The following PRKG1 variants were observed in gnomAD, a reference collection of about 807,000 sequenced individuals.
The protein encoded by PRKG1 is cGMP-dependent protein kinase 1.
A neutral mutation model predicts 88.1 loss-of-function variants in PRKG1; 35 were observed. The ratio of observed to expected loss-of-function variants is 0.40; its 90% confidence interval spans 0.30 to 0.53. The LOEUF (loss-of-function observed/expected upper bound fraction) is 0.53, where lower values mean the gene tolerates loss of function less well. Ranked by LOEUF, PRKG1 falls within the 20% of genes least tolerant of loss-of-function variation. The pLI is 0.59. For synonymous variants in PRKG1, 303 were observed against 292.5 expected, an observed-to-expected ratio of 1.04 and a Z score of -0.37; for missense variants, 540 against 839.8, an observed-to-expected ratio of 0.64 and a Z score of 4.41.
At chr10:51,647,877 A>C (rs974082223) in intron 3 of PRKG1, among the ~76,000 whole-genome samples, 2 of 152,154 alleles carry the variant, frequency 1.3e-5, no homozygotes, top group African/African-American at 2.4e-5. Flanking sequence ...ATAATGATAC[A>C]TTGCACAGTA....
At position 51,177,197 on chromosome 10, in the gene PRKG1, AATTCTCAGATTAC is replaced by A. The variant is rs1837217924; in HGVS notation, c.478+23872_478+23884del. 2.0e-5 allele frequency among the ~76,000 whole-genome samples: 3 copies of A among 152,286 alleles called. No homozygotes were observed. In the South Asian group the frequency reaches 6.2e-4, roughly 32 times the overall value. Reference sequence around the variant, plus strand: ...GGATTACAGTGGCATTTCTTCTAGAAATTCTCAGATTACATTCCTTCACAATCATACTTACCAT... The same window carrying A: ...GGATTACAGTGGCATTTCTTCTAGAAATTCCTTCACAATCATACTTACCAT... On this transcript the variant is annotated intron_variant, in intron 2 of 17. Coordinates refer to ENST00000373980, the MANE Select transcript of PRKG1 (RefSeq NM_006258.4).
At chr10:51,543,065 G>A (rs759935153) in intron 3 of PRKG1, among the ~76,000 whole-genome samples, 5 of 152,110 alleles carry the variant, frequency 3.3e-5, no homozygotes, top group South Asian at 2.1e-4. Context: ...TACACTGTGC[G>A]GGCCCCTTTG....
At chr10:51,840,202 A>G (rs991302667) in intron 4 of PRKG1, among the ~76,000 whole-genome samples, 1 of 152,206 alleles carries the variant, frequency 6.6e-6, no homozygotes, top group Admixed American at 6.5e-5. Flanking sequence ...GCACACTGCA[A>G]CAGAGACCAC....
chr10:51,013,133 A>G (rs1455345307), intron 1 of PRKG1, among the ~76,000 whole-genome samples: 1 of 151,748 alleles, frequency 6.6e-6, no homozygotes, highest in Non-Finnish European at 1.5e-5. Context: ...GAACCAAGGA[A>G]CAAGAGAAAC....
At chr10:51,886,228 A>G (rs1017444392) in intron 4 of PRKG1, among the ~76,000 whole-genome samples, 2 of 152,112 alleles carry the variant, frequency 1.3e-5, no homozygotes, top group African/African-American at 4.8e-5. Context: ...TACAGCCACA[A>G]TTTCTTACAA....
intron 1 of PRKG1, among the ~76,000 whole-genome samples, chr10:51,127,904 A>G (rs1839687156): frequency 6.6e-6 from 1 of 152,162 alleles, no homozygotes; most frequent in Non-Finnish European, 1.5e-5. Flanking sequence ...TGGGAGTTGA[A>G]CAATGAGAAC....
chr10:51,944,739 T>C (rs1334026980), intron 5 of PRKG1, among the ~76,000 whole-genome samples: 1 of 152,102 alleles, frequency 6.6e-6, no homozygotes, highest in Non-Finnish European at 1.5e-5. Context: ...GAGCAGGTTG[T>C]TCAGTTTCCA....
rs12571823 is a variant in PRKG1 at position 51,751,772 on chromosome 10, A to G, written c.593-52813A>G. 4.2e-4 allele frequency among the ~76,000 whole-genome samples: 64 copies of G among 151,914 alleles called. 1 individual carries two copies. In the East Asian group the frequency reaches 8.7e-3, roughly 21 times the overall value. ...TAGTTTAATATTTTTAAGGTCCTTG[A>G]ACTCCATGTGTTTCCAAAAGGCCAA... On this transcript the variant is annotated intron_variant, in intron 3 of 17. Transcript: ENST00000373980.
intron 3 of PRKG1, among the ~76,000 whole-genome samples, chr10:51,646,919 C>A (rs1404996057): frequency 6.6e-6 from 1 of 152,010 alleles, no homozygotes; most frequent in East Asian, 1.9e-4. Flanking sequence ...CAATGAAATT[C>A]TTCTACTAGA....
At chr10:52,091,058 C>T (rs1263278741) in intron 7 of PRKG1, among the ~76,000 whole-genome samples, 1 of 152,134 alleles carries the variant, frequency 6.6e-6, no homozygotes, top group African/African-American at 2.4e-5. Flanking sequence ...TCAGAAGTCT[C>T]AGTGGGCTTG....
intron 4 of PRKG1, among the ~76,000 whole-genome samples, chr10:51,811,865 A>G (rs1264290680): frequency 6.6e-6 from 1 of 152,178 alleles, no homozygotes; most frequent in Admixed American, 6.5e-5. Context: ...GAAAATGTGC[A>G]TTTTTTAAGT....
chr10:52,184,123 C>T (rs973356519), intron 9 of PRKG1, among the ~76,000 whole-genome samples: 1 of 152,048 alleles, frequency 6.6e-6, no homozygotes, highest in African/African-American at 2.4e-5. Context: ...TTGTCCCCTT[C>T]GTCAATCTAT....
intron 2 of PRKG1, among the ~76,000 whole-genome samples, chr10:51,185,278 T>A (rs1179169946): frequency 6.6e-6 from 1 of 152,114 alleles, no homozygotes; most frequent in African/African-American, 2.4e-5. Flanking sequence ...TAAGAATCTA[T>A]GGTGAATATT....
chr10:51,131,405 T>G (rs962062863), intron 1 of PRKG1, among the ~76,000 whole-genome samples: 1 of 152,194 alleles, frequency 6.6e-6, no homozygotes, highest in Non-Finnish European at 1.5e-5. Context: ...TTAGTTAAAA[T>G]AGACATATAA....
At chr10:51,274,923 C>T (rs1840076132) in intron 2 of PRKG1, among the ~76,000 whole-genome samples, 1 of 152,244 alleles carries the variant, frequency 6.6e-6, no homozygotes, top group African/African-American at 2.4e-5. Context: ...ACAAGCAATG[C>T]TGTGAGAGTT....
intron 1 of PRKG1, among the ~76,000 whole-genome samples, chr10:50,999,227 C>A (rs1262610095): frequency 1.3e-5 from 2 of 152,132 alleles, no homozygotes; most frequent in Non-Finnish European, 2.9e-5. Context: ...TAGTCCTAAG[C>A]AGTTAATTTG....
At chr10:52,287,945 G>A (rs1013449047) in intron 14 of PRKG1, among the ~76,000 whole-genome samples, 3 of 152,018 alleles carry the variant, frequency 2.0e-5, no homozygotes, top group African/African-American at 7.2e-5. Context: ...AAACTCTTCT[G>A]GAAGGGAAGA....
chr10:51,494,808 A>G (rs1039806613), intron 3 of PRKG1, among the ~76,000 whole-genome samples: 2 of 152,116 alleles, frequency 1.3e-5, no homozygotes, highest in Non-Finnish European at 2.9e-5. Flanking sequence ...ACAGGTTTTA[A>G]ATTTATTCTG....
chr10:51,157,416 T>A (rs1274552988), intron 2 of PRKG1, among the ~76,000 whole-genome samples: 4 of 151,932 alleles, frequency 2.6e-5, no homozygotes, highest in African/African-American at 7.2e-5. Flanking sequence ...AATATTTGGA[T>A]ACAGTTTATT....
Sources: allele counts gnomAD v4.1 joint callset (sites outside exome capture counted in the v4.1 genomes callset), GRCh38; gene constraint gnomAD v4.1.1; transcripts MANE v1.5; gene names NCBI Gene and HGNC (gene_info 2026-07-23, HGNC 2026-07-21).